The following NKAIN3 variants were observed in gnomAD, a reference collection of about 807,000 sequenced individuals.
The protein encoded by NKAIN3 is sodium/potassium-transporting ATPase subunit beta-1-interacting protein 3.
NKAIN3 carries 25 observed loss-of-function variants against 30.2 expected under a neutral mutation model. The observed-to-expected ratio is 0.83, with a 90% CI of 0.60 to 1.16. The LOEUF (loss-of-function observed/expected upper bound fraction) is 1.16. NKAIN3 is among the 50% of genes most tolerant of loss of function. The pLI is 0.00. For synonymous variants in NKAIN3, 91 were observed against 89.6 expected (o/e 1.02, Z -0.09); for missense variants, 225 against 254.1 (o/e 0.89, Z 0.78).
chr8:62,536,892 G>A (rs1808682299), intron 1 of NKAIN3, among the ~76,000 whole-genome samples: 1 of 152,034 alleles, frequency 6.6e-6, no homozygotes, highest in South Asian at 2.1e-4. Flanking sequence ...CATGGGGAGA[G>A]AATAATGATC....
At chr8:62,407,324 T>C (rs952739486) in intron 1 of NKAIN3, among the ~76,000 whole-genome samples, 11 of 151,590 alleles carry the variant, frequency 7.3e-5, no homozygotes, top group African/African-American at 2.4e-4. Flanking sequence ...TTTTCTATCT[T>C]TTAGGATCAT....
At chr8:62,360,853 G>A (rs1380831364) in intron 1 of NKAIN3, among the ~76,000 whole-genome samples, 2 of 152,090 alleles carry the variant, frequency 1.3e-5, no homozygotes, top group African/African-American at 4.8e-5. Flanking sequence ...TTGTTGAATT[G>A]AACCCTTTCC....
At chr8:62,582,766 T>C (rs553480600) in intron 2 of NKAIN3, among the ~76,000 whole-genome samples, 1 of 152,260 alleles carries the variant, frequency 6.6e-6, no homozygotes, top group South Asian at 2.1e-4. Context: ...ACTAACCATG[T>C]AAGGAGTGAG....
chr8:62,631,229 A>T (rs535878590), intron 3 of NKAIN3, among the ~76,000 whole-genome samples: 4 of 152,116 alleles, frequency 2.6e-5, no homozygotes, highest in Non-Finnish European at 5.9e-5. Context: ...ATTGTTCCTG[A>T]CTTCCACACC....
intron 4 of NKAIN3, among the ~76,000 whole-genome samples, chr8:62,907,267 C>A (rs1336192977): frequency 6.6e-6 from 1 of 152,016 alleles, no homozygotes. Flanking sequence ...TTTGGTGCTG[C>A]TAAGTATTAA....
intron 1 of NKAIN3, among the ~76,000 whole-genome samples, chr8:62,529,195 G>A (rs568672662): frequency 6.6e-6 from 1 of 152,038 alleles, no homozygotes; most frequent in Non-Finnish European, 1.5e-5. Context: ...AAGCAAATCA[G>A]GATGCAAGGC....
intron 1 of NKAIN3, among the ~76,000 whole-genome samples, chr8:62,451,562 A>T (rs966891060): frequency 6.6e-6 from 1 of 152,142 alleles, no homozygotes; most frequent in African/African-American, 2.4e-5. Flanking sequence ...CTGGGCCTGT[A>T]ATGGTAGCAT....
chr8:62,376,115 G>A (rs139422807), intron 1 of NKAIN3, among the ~76,000 whole-genome samples: 3 of 152,120 alleles, frequency 2.0e-5, no homozygotes, highest in Non-Finnish European at 2.9e-5. Flanking sequence ...GGAGCACTAC[G>A]CTGAGCTATG....
chr8:62,750,800 C>A (rs1816255309), intron 4 of NKAIN3, among the ~76,000 whole-genome samples: 1 of 152,060 alleles, frequency 6.6e-6, no homozygotes, highest in Non-Finnish European at 1.5e-5. Flanking sequence ...AAAATGCAAT[C>A]CATGCTGGAG....
chr8:62,292,472 T>G (rs1313164677), intron 1 of NKAIN3, among the ~76,000 whole-genome samples: 3 of 152,168 alleles, frequency 2.0e-5, no homozygotes, highest in African/African-American at 7.2e-5. Flanking sequence ...CTGTAAAGGA[T>G]TTTATTTCTC....
rs538714835 is a variant in NKAIN3 at position 62,628,041 on chromosome 8, G to C, written c.273+38247G>C. On this transcript the variant is annotated intron_variant, in intron 3 of 6. Transcript: ENST00000623646. Reference sequence around the variant, plus strand: ...CCACCCAGATCTGTCAAGGTATCTTGCCATCGGAAGCACTATGGGAGATCT... The same window carrying C: ...CCACCCAGATCTGTCAAGGTATCTTCCCATCGGAAGCACTATGGGAGATCT... Among the ~76,000 whole-genome samples the C allele has an allele frequency of 9.8e-4, 149 of 152,210 alleles. 1 individual carries two copies. The South Asian group carries it at 0.03, about 31-fold the overall frequency.
rs911538199 is a variant in NKAIN3, at chr8:62,738,100, C to A, written c.274-8832C>A. 2.0e-5 allele frequency among the ~76,000 whole-genome samples: 3 copies of A among 152,106 alleles called. No individual in the cohort carries two copies. In the East Asian group the frequency reaches 5.8e-4, roughly 29 times the overall value. ...CTTGAGGAATCGCCACACTGTCTTCCACAATGGTTGAACTAATTTACACTC... is the reference window on the plus strand; with the variant it reads ...CTTGAGGAATCGCCACACTGTCTTCAACAATGGTTGAACTAATTTACACTC... On this transcript the variant is annotated intron_variant, in intron 3 of 6. Coordinates refer to ENST00000623646, the MANE Select transcript of NKAIN3 (RefSeq NM_001304533.3).
At chr8:62,510,724 G>A (rs1807791205) in intron 1 of NKAIN3, among the ~76,000 whole-genome samples, 1 of 152,090 alleles carries the variant, frequency 6.6e-6, no homozygotes, top group Non-Finnish European at 1.5e-5. Context: ...TAAAACTTGA[G>A]TTTTAGGGGC....
chr8:62,571,749 G>A (rs1046159554), intron 1 of NKAIN3, among the ~76,000 whole-genome samples: 1 of 152,186 alleles, frequency 6.6e-6, no homozygotes, highest in African/African-American at 2.4e-5. Flanking sequence ...CCACATGGAA[G>A]CTGTCAAGGC....
At chr8:62,399,562 T>G (rs79553098) in intron 1 of NKAIN3, among the ~76,000 whole-genome samples, 4,052 of 152,298 alleles carry the variant, frequency 0.027, 183 homozygotes, top group African/African-American at 0.092. Context: ...TGAGATTTGC[T>G]TAAACAAGCA....
intron 4 of NKAIN3, among the ~76,000 whole-genome samples, chr8:62,843,288 C>T (rs28410835): frequency 0.027 from 4,037 of 151,358 alleles, 178 homozygotes; most frequent in African/African-American, 0.092. Flanking sequence ...TCCCTGCTAA[C>T]GTCTTTTTTC....
intron 3 of NKAIN3, among the ~76,000 whole-genome samples, chr8:62,745,492 ACTT>A (rs1277503791): frequency 6.6e-6 from 1 of 152,008 alleles, no homozygotes; most frequent in East Asian, 1.9e-4. Flanking sequence ...CATCACCACT[ACTT>A]CTTCTACCCA....
At chr8:62,991,819 G>C (rs1585650725) in intron 5 of NKAIN3, among the ~76,000 whole-genome samples, 1 of 152,100 alleles carries the variant, frequency 6.6e-6, no homozygotes, top group African/African-American at 2.4e-5. Flanking sequence ...CTCTTTAATT[G>C]AACGTGTCTT....
At chr8:62,545,296 C>T (rs186153645) in intron 1 of NKAIN3, among the ~76,000 whole-genome samples, 1 of 152,244 alleles carries the variant, frequency 6.6e-6, no homozygotes, top group East Asian at 1.9e-4. Flanking sequence ...TAAATGAGCA[C>T]CTCTTCCACT....
Sources: allele counts gnomAD v4.1 joint callset (sites outside exome capture counted in the v4.1 genomes callset), GRCh38; gene constraint gnomAD v4.1.1; transcripts MANE v1.5; gene names NCBI Gene and HGNC (gene_info 2026-07-23, HGNC 2026-07-21).